KCNG3: variants seen among roughly 807,000 people sequenced by gnomAD.
The protein encoded by KCNG3 is voltage-gated potassium channel regulatory subunit KCNG3.
A neutral mutation model predicts 29.0 loss-of-function variants in KCNG3; 15 were observed. The ratio of observed to expected loss-of-function variants is 0.52; its 90% CI spans 0.35 to 0.80. The LOEUF is 0.80. KCNG3 is among the 30% of genes least tolerant of loss of function. KCNG3 has a pLI of 0.01. For synonymous variants in KCNG3, 322 were observed against 248.9 expected (o/e 1.29, Z -2.76); for missense variants, 512 against 605.7 (o/e 0.85, Z 1.62).
chr2:42,464,620 C>G (rs1673096335), intron 1 of KCNG3, among the ~76,000 whole-genome samples: 2 of 152,240 alleles, frequency 1.3e-5, no homozygotes, highest in South Asian at 4.1e-4. Context: ...GTACCATCTG[C>G]TCCAACTAAT....
chr2:42,440,507 A>C (rs1032801208), downstream of KCNG3: 5 of 152,156 alleles, frequency 3.3e-5, no homozygotes, highest in Admixed American at 2.6e-4. Context: ...AAAGGAAAAT[A>C]AACTGCTATT....
the KCNG3 span, among the ~76,000 whole-genome samples, chr2:42,415,184 GCC>G: frequency 6.6e-6 from 1 of 152,136 alleles, no homozygotes; most frequent in Non-Finnish European, 1.5e-5. Context: ...TCTGAGCTGG[GCC>G]CCACATTAGG....
the KCNG3 span, among the ~76,000 whole-genome samples, chr2:42,390,080 A>G: frequency 2.2e-3 from 336 of 152,336 alleles, no homozygotes; most frequent in African/African-American, 7.6e-3. Flanking sequence ...GGGAAAGGAC[A>G]TATGTGTGTT....
At chr2:42,437,292 TAA>T (rs1362624920), downstream of KCNG3, among the ~76,000 whole-genome samples, 2 of 152,220 alleles carry the variant, frequency 1.3e-5, no homozygotes, top group Non-Finnish European at 1.5e-5. Flanking sequence ...TAAATTAATA[TAA>T]GTCGAATCTT....
chr2:42,435,399 CAA>C, the KCNG3 span, among the ~76,000 whole-genome samples: 1 of 151,878 alleles, frequency 6.6e-6, no homozygotes, highest in Admixed American at 6.6e-5. Flanking sequence ...GCAAAAGAGA[CAA>C]GAGAAAAAAC....
intron 1 of KCNG3, among the ~76,000 whole-genome samples, chr2:42,475,643 C>CT: frequency 7.4e-6 from 1 of 136,036 alleles, no homozygotes; most frequent in South Asian, 2.3e-4. Flanking sequence ...GACTCTGTCT[C>CT]TTTAAAAAAA....
At chr2:42,449,915 C>G (rs1325966744) in intron 1 of KCNG3, among the ~76,000 whole-genome samples, 1 of 152,186 alleles carries the variant, frequency 6.6e-6, no homozygotes, top group Non-Finnish European at 1.5e-5. Flanking sequence ...AGCTAACATA[C>G]TCTGTCTCTT....
intron 1 of KCNG3, among the ~76,000 whole-genome samples, chr2:42,472,115 C>A (rs11693338): frequency 6.6e-6 from 1 of 152,090 alleles, no homozygotes; most frequent in Non-Finnish European, 1.5e-5. Context: ...AACTCCAATC[C>A]TAGGTAGATG....
At chr2:42,411,441 G>T in the KCNG3 span, among the ~76,000 whole-genome samples, 1 of 151,988 alleles carries the variant, frequency 6.6e-6, no homozygotes, top group Non-Finnish European at 1.5e-5. Flanking sequence ...CTCCTTTAGT[G>T]TCCCTCAGTG....
intron 1 of KCNG3, 68 bp downstream of exon 1, chr2:42,492,769 G>T: frequency 7.5e-7 from 1 of 1,329,236 alleles, no homozygotes; most frequent in Non-Finnish European, 9.8e-7. Flanking sequence ...GACGGAGACG[G>T]GACGTATGGA....
chr2:42,490,212 ATC>A (rs1175863411), intron 1 of KCNG3, among the ~76,000 whole-genome samples: 2 of 152,122 alleles, frequency 1.3e-5, no homozygotes, highest in East Asian at 3.9e-4. Flanking sequence ...ATCTTAAAAA[ATC>A]TCTTTTATTT....
At chr2:42,457,048 A>C (rs1183801968) in intron 1 of KCNG3, among the ~76,000 whole-genome samples, 6 of 152,198 alleles carry the variant, frequency 3.9e-5, no homozygotes. Context: ...GATCAATAAT[A>C]AATTAAAACA....
In KCNG3 at chr2:42,444,360, C is replaced by T; in HGVS notation, c.885G>A (p.Arg295=). 1 of 1,614,106 alleles carries T rather than the reference C, an allele frequency of 6.2e-7. No homozygotes were observed. The highest frequency in any genetic ancestry group is 8.5e-7 in the Non-Finnish European group (1 of 1,180,020). ...GVTLRVLRMM[R]IFWVIKLARH... is the part of the protein sequence containing the mutation. ...GGGCAAGCTTAATCACCCAAAAAAT[C>T]CTCATCATTCTAAGTACCCTCAAGG... is the stretch of plus-strand genomic sequence containing the variant. Residue 295 remains arginine (R), a synonymous_variant, in exon 2 of 2, where the codon AGG becomes AGA. Coordinates refer to ENST00000306078, the MANE Select transcript of KCNG3 (RefSeq NM_133329.6). The surrounding 1 kb of genome is among the most constrained non-coding windows in gnomAD (Gnocchi z 5.8).
chr2:42,439,596 A>G (rs1450103852), downstream of KCNG3, among the ~76,000 whole-genome samples: 1 of 150,152 alleles, frequency 6.7e-6, no homozygotes, highest in Non-Finnish European at 1.5e-5. Flanking sequence ...TTAAAAAAAA[A>G]AAAGAAAAAG....
intron 1 of KCNG3, chr2:42,463,272 T>C (rs11693504): frequency 0.046 from 10,823 of 234,188 alleles, 303 homozygotes; most frequent in Middle Eastern, 0.088. Flanking sequence ...CAGGCTAGGG[T>C]TGTACACTTT....
the KCNG3 span, among the ~76,000 whole-genome samples, chr2:42,399,352 C>A: frequency 1.3e-5 from 2 of 152,072 alleles, no homozygotes; most frequent in South Asian, 4.1e-4. Context: ...AGCCACCGCG[C>A]CCGGCCTGTC....
At chr2:42,452,382 T>C (rs1239795017) in intron 1 of KCNG3, among the ~76,000 whole-genome samples, 2 of 151,858 alleles carry the variant, frequency 1.3e-5, no homozygotes, top group Non-Finnish European at 2.9e-5. Flanking sequence ...CAATTATACT[T>C]TTTTAGTTAC....
At chr2:42,415,891 C>A in the KCNG3 span, among the ~76,000 whole-genome samples, 4 of 152,136 alleles carry the variant, frequency 2.6e-5, no homozygotes, top group Non-Finnish European at 5.9e-5. Flanking sequence ...ATAACACTAT[C>A]CTCATAGAAG....
the KCNG3 span, among the ~76,000 whole-genome samples, chr2:42,409,470 G>A: frequency 2.6e-5 from 4 of 151,936 alleles, no homozygotes; most frequent in African/African-American, 7.3e-5. Flanking sequence ...TTGGGAGGCT[G>A]AGGCATGAGG....
Sources: gnomAD v4.1 joint callset for allele counts (sites outside exome capture counted in the v4.1 genomes callset) on GRCh38, gnomAD v4.1.1 for gene constraint, Gnocchi (gnomAD v3.1) non-coding constraint, MANE v1.5 for transcripts, NCBI Gene and HGNC (gene_info 2026-07-23, HGNC 2026-07-21) for gene names.